The following HMGCLL1 variants were observed in gnomAD, a reference collection of about 807,000 sequenced individuals.
The protein encoded by HMGCLL1 is 3-hydroxy-3-methylglutaryl-CoA lyase like 1, also known as 3-hydroxymethyl-3-methylglutaryl-CoA lyase, cytoplasmic.
In HMGCLL1, 36 loss-of-function variants were observed where a neutral mutation model predicts 39.1. That is an observed-to-expected ratio of 0.92 (90% CI 0.71 to 1.22). The LOEUF is 1.22. Ranked by LOEUF, HMGCLL1 falls within the 50% of genes most tolerant of loss-of-function variation. The pLI, the probability that HMGCLL1 is intolerant of heterozygous loss-of-function variation, is 0.00. For missense variants in HMGCLL1, 451 were observed against 416.5 expected (o/e 1.08, Z -0.72); for synonymous variants, 149 against 144.0 (o/e 1.03, Z -0.25).
chr6:55,553,594 C>A (rs1231186373), intron 1 of HMGCLL1, among the ~76,000 whole-genome samples: 4 of 152,038 alleles, frequency 2.6e-5, no homozygotes, highest in African/African-American at 9.7e-5. Context: ...ATAATAATAG[C>A]ATTTAGCCCA....
chr6:55,550,631 T>G (rs988659244), intron 1 of HMGCLL1, among the ~76,000 whole-genome samples: 1 of 151,820 alleles, frequency 6.6e-6, no homozygotes, highest in African/African-American at 2.4e-5. Context: ...AAAATGGGAT[T>G]TGGGAGCTAG....
At chr6:55,625,758 T>C in the HMGCLL1 span, among the ~76,000 whole-genome samples, 2,069 of 152,212 alleles carry the variant, frequency 0.014, 52 homozygotes, top group African/African-American at 0.047. Context: ...AGAACCATGA[T>C]TGGAAAATTG....
At chr6:55,650,134 TACACACACACACACA>T in the HMGCLL1 span, among the ~76,000 whole-genome samples, 2 of 53,342 alleles carry the variant, frequency 3.7e-5, no homozygotes, top group Non-Finnish European at 3.6e-5. Context: ...TATATATATA[TACACACACACACACA>T]TATGTATATA....
chr6:55,597,978 C>T, the HMGCLL1 span, among the ~76,000 whole-genome samples: 5 of 151,942 alleles, frequency 3.3e-5, no homozygotes, highest in South Asian at 2.1e-4. Context: ...GACTGGTCTG[C>T]GTGGCTAAAA....
chr6:55,478,077 G>T (rs941354224), intron 7 of HMGCLL1, among the ~76,000 whole-genome samples: 5 of 125,594 alleles, frequency 4.0e-5, no homozygotes, highest in African/African-American at 5.4e-5. Context: ...TACTGATTCA[G>T]TGAGGTTCTG....
chr6:55,596,556 T>G, the HMGCLL1 span, among the ~76,000 whole-genome samples: 1 of 152,222 alleles, frequency 6.6e-6, no homozygotes, highest in African/African-American at 2.4e-5. Context: ...GAATTTTAAT[T>G]GCAGCTTTGT....
chr6:55,589,294 A>T, the HMGCLL1 span, among the ~76,000 whole-genome samples: 10 of 151,810 alleles, frequency 6.6e-5, no homozygotes, highest in East Asian at 1.9e-4. Flanking sequence ...ACAGAACCAA[A>T]GACAAAAACC....
At chr6:55,445,620 A>T (rs1216167177) in intron 7 of HMGCLL1, among the ~76,000 whole-genome samples, 2 of 151,980 alleles carry the variant, frequency 1.3e-5, no homozygotes, top group Middle Eastern at 3.2e-3. Flanking sequence ...TTTCAAGCAC[A>T]GTCACTACTT....
the HMGCLL1 span, among the ~76,000 whole-genome samples, chr6:55,625,108 G>A: frequency 6.6e-6 from 1 of 152,094 alleles, no homozygotes; most frequent in Non-Finnish European, 1.5e-5. Flanking sequence ...AGGCCTCTAG[G>A]ATTTTGGAAC....
chr6:55,599,552 C>G, the HMGCLL1 span, among the ~76,000 whole-genome samples: 1 of 152,074 alleles, frequency 6.6e-6, no homozygotes, highest in Non-Finnish European at 1.5e-5. Flanking sequence ...TTCTGATTCC[C>G]AAACTGCAAG....
chr6:55,463,029 CTTTTT>C (rs34168815), intron 7 of HMGCLL1, among the ~76,000 whole-genome samples: 1 of 136,328 alleles, frequency 7.3e-6, no homozygotes, highest in African/African-American at 2.7e-5. Context: ...TTTTTTCTTT[CTTTTT>C]TTTTTTTTTT....
intron 1 of HMGCLL1, among the ~76,000 whole-genome samples, chr6:55,550,760 C>A (rs145143523): frequency 6.6e-6 from 1 of 151,732 alleles, no homozygotes; most frequent in African/African-American, 2.4e-5. Context: ...TCATTCAGGA[C>A]AATTTTGCAC....
At chr6:55,485,263 T>C (rs1341330461) in intron 7 of HMGCLL1, among the ~76,000 whole-genome samples, 1 of 152,112 alleles carries the variant, frequency 6.6e-6, no homozygotes, top group Non-Finnish European at 1.5e-5. Context: ...GCATAGCTTT[T>C]ATCGCCAATT....
chr6:55,577,068 G>A (rs779375573), intron 1 of HMGCLL1: 25 of 1,612,846 alleles, frequency 1.6e-5, no homozygotes, highest in Non-Finnish European at 2.0e-5. Flanking sequence ...TGGGGCATCT[G>A]GATATTTACC....
At chr6:55,509,106 G>A (rs1268361781) in intron 5 of HMGCLL1, among the ~76,000 whole-genome samples, 2 of 151,752 alleles carry the variant, frequency 1.3e-5, no homozygotes, top group Admixed American at 6.6e-5. Context: ...CAAACCATAT[G>A]TATGAAAGAA....
chr6:55,531,178 C>A (rs1768645734), intron 3 of HMGCLL1, among the ~76,000 whole-genome samples: 1 of 152,144 alleles, frequency 6.6e-6, no homozygotes, highest in Non-Finnish European at 1.5e-5. Flanking sequence ...TCCCTCTAGT[C>A]TAGTCCCTAG....
chr6:55,574,176 C>A (rs1771652803), intron 1 of HMGCLL1, among the ~76,000 whole-genome samples: 1 of 150,892 alleles, frequency 6.6e-6, no homozygotes, highest in African/African-American at 2.4e-5. Context: ...CAAAGAAAAA[C>A]TGAAAAAAAT....
At chr6:55,608,038 TAGACCA>T in the HMGCLL1 span, among the ~76,000 whole-genome samples, 1 of 152,254 alleles carries the variant, frequency 6.6e-6, no homozygotes, top group Non-Finnish European at 1.5e-5. Context: ...TCTTTTCTGC[TAGACCA>T]AGACCATTTT....
intron 7 of HMGCLL1, among the ~76,000 whole-genome samples, chr6:55,474,439 C>A (rs1581824374): frequency 6.6e-6 from 1 of 151,580 alleles, no homozygotes; most frequent in South Asian, 2.1e-4. Flanking sequence ...TTCTTCATTT[C>A]TATTAGTTTT....
Sources: allele counts gnomAD v4.1 joint callset (sites outside exome capture counted in the v4.1 genomes callset), GRCh38; gene constraint gnomAD v4.1.1; transcripts MANE v1.5; gene names NCBI Gene and HGNC (gene_info 2026-07-23, HGNC 2026-07-21).